The following DMD variants were observed in gnomAD, a reference collection of about 807,000 sequenced individuals.
DMD encodes mutant dystrophin.
Under a neutral mutation model 330.1 loss-of-function variants are expected in DMD, and 63 were observed. The observed-to-expected ratio is 0.19, with a 90% confidence interval of 0.16 to 0.24. The LOEUF (loss-of-function observed/expected upper bound fraction) is 0.24, where lower values mean the gene tolerates loss of function less well. DMD is among the 10% of genes least tolerant of loss of function. The pLI, the probability that DMD is intolerant of heterozygous loss-of-function variation, is 1.00. For synonymous variants in DMD, 1,223 were observed against 959.8 expected (o/e 1.27, Z -5.07); for missense variants, 3,344 against 2,684.1 (o/e 1.25, Z -5.43).
rs1459982963 is a variant in DMD at position 31,891,756 on chromosome X, T to C, written c.6913-16383A>G. On this transcript the variant is annotated intron_variant, in intron 47 of 78. Transcript: ENST00000357033. ...AAAACATTTACCATCTGGACCGTTA[T>C]AGAAAGTTTGCTGACCTCTGCTCTA... is the stretch of plus-strand genomic sequence containing the variant. 2.7e-5 allele frequency among the ~76,000 whole-genome samples: 3 copies of C among 111,380 alleles called. No homozygotes were observed. The Admixed American group carries it at 2.9e-4, about 11-fold the overall frequency.
intron 22 of DMD, among the ~76,000 whole-genome samples, chrX:32,469,236 A>C (rs190906798): frequency 6.9e-4 from 76 of 110,865 alleles, no homozygotes; most frequent in African/African-American, 2.2e-3. Flanking sequence ...TGGAGAATTT[A>C]TAAAATTTAT....
rs1259664799 is a variant in DMD at position 31,507,291 on chromosome X, G to A, written c.8380C>T (p.Leu2794Phe). Reference protein sequence around the residue: ...FKWSELRKKSLNIRSHLEASS... With the variant: ...FKWSELRKKSFNIRSHLEASS... ...CACATCTTTTCCTACCTAATGTTGA[G>A]AGACTTTTTCCGAAGTTCACTCCAC... Residue 2794 changes from leucine (L) to phenylalanine (F), a missense_variant, in exon 56 of 79, where the codon CTC (leucine) becomes TTC (phenylalanine). Coordinates refer to ENST00000357033, the MANE Select transcript of DMD (RefSeq NM_004006.3). 1 of 1,211,417 alleles carries A rather than the reference G, an allele frequency of 8.3e-7. No homozygotes were observed. The highest frequency in any genetic ancestry group is 1.1e-6 in the Non-Finnish European group (1 of 895,337).
At chrX:32,334,104 C>CA (rs747548130) in intron 41 of DMD, among the ~76,000 whole-genome samples, 3 of 111,009 alleles carry the variant, frequency 2.7e-5, no homozygotes, top group South Asian at 3.8e-4. Context: ...GACACTAGAA[C>CA]AAAAAAACTC....
chrX:32,338,062 C>A (rs760632083), intron 41 of DMD, among the ~76,000 whole-genome samples: 11 of 111,369 alleles, frequency 9.9e-5, no homozygotes, highest in Admixed American at 3.8e-4. Context: ...TGCCTTAATT[C>A]TTGAATCATG....
chrX:32,651,678 C>G (rs1016914837), intron 9 of DMD, among the ~76,000 whole-genome samples: 6 of 111,184 alleles, frequency 5.4e-5, no homozygotes, highest in African/African-American at 2.0e-4. Flanking sequence ...TAGTACAGAC[C>G]CGGTAAATCC....
intron 7 of DMD, among the ~76,000 whole-genome samples, chrX:32,752,609 G>A (rs2070973917): frequency 1.9e-5 from 2 of 106,972 alleles, no homozygotes; most frequent in South Asian, 8.6e-4. Context: ...AGACTTTGGT[G>A]CACTGTTGGG....
intron 9 of DMD, among the ~76,000 whole-genome samples, chrX:32,651,125 A>G (rs1569394396): frequency 1.0e-5 from 1 of 100,360 alleles, no homozygotes; most frequent in African/African-American, 4.7e-5. Flanking sequence ...ACTTTTAAAA[A>G]AATATAATAT....
At chrX:33,008,624 T>C (rs1458823188) in intron 2 of DMD, among the ~76,000 whole-genome samples, 2 of 109,470 alleles carry the variant, frequency 1.8e-5, no homozygotes, top group African/African-American at 6.6e-5. Flanking sequence ...ATACAGTCAA[T>C]AGTAATGCCA....
chrX:31,801,977 G>A (rs980110546), intron 50 of DMD, among the ~76,000 whole-genome samples: 1 of 111,146 alleles, frequency 9.0e-6, no homozygotes, highest in African/African-American at 3.3e-5. Flanking sequence ...AATTCAAAAG[G>A]ATAGTGTCTC....
At chrX:32,671,354 T>C (rs750530717) in intron 9 of DMD, among the ~76,000 whole-genome samples, 9 of 111,300 alleles carry the variant, frequency 8.1e-5, no homozygotes, top group African/African-American at 2.9e-4. Context: ...TAAATTTATG[T>C]ACATACACAC....
intron 34 of DMD, among the ~76,000 whole-genome samples, chrX:32,367,161 T>A (rs959630268): frequency 9.0e-6 from 1 of 111,728 alleles, no homozygotes; most frequent in African/African-American, 3.3e-5. Flanking sequence ...AACTTCAGAG[T>A]AGACATAGAC....
intron 43 of DMD, among the ~76,000 whole-genome samples, chrX:32,222,221 C>T (rs888003051): frequency 1.8e-5 from 2 of 111,557 alleles, no homozygotes; most frequent in Admixed American, 1.9e-4. Context: ...ACAAATGTTC[C>T]GTTTTCATCA....
At chrX:32,600,215 G>A (rs1037200920) in intron 12 of DMD, among the ~76,000 whole-genome samples, 6 of 111,955 alleles carry the variant, frequency 5.4e-5, no homozygotes, top group Non-Finnish European at 9.4e-5. Context: ...CCACTTCAGT[G>A]TTTATTCTAG....
chrX:32,263,505 T>A (rs1316180316), intron 43 of DMD, among the ~76,000 whole-genome samples: 1 of 112,628 alleles, frequency 8.9e-6, no homozygotes, highest in Non-Finnish European at 1.9e-5. Context: ...TTTGGTTTTT[T>A]ACTTTGTGAA....
At position 32,853,432 on chromosome X, in the gene DMD, AAAC is replaced by A. The variant is rs200936189; in HGVS notation, c.94-3615_94-3613del. On this transcript the variant is annotated intron_variant, in intron 2 of 78. Coordinates refer to ENST00000357033, the MANE Select transcript of DMD (RefSeq NM_004006.3). ...ATAGACAGTATAATGAGATATAAAC[AAAC>A]AACAAAAAGATTAAAAGAGACGAAG... Among the ~76,000 whole-genome samples the A allele has an allele frequency of 9.6e-3, 1,076 of 112,085 alleles. 13 individuals carry two copies. Among genetic ancestry groups the A allele is most frequent in the African/African-American group, 0.032 (1,001 of 30,848 alleles).
chrX:32,398,528 G>A (rs779225496), intron 30 of DMD, among the ~76,000 whole-genome samples: 1 of 110,711 alleles, frequency 9.0e-6, no homozygotes, highest in Non-Finnish European at 1.9e-5. Context: ...AAAATCTCCA[G>A]CAGAGAAGTA....
At chrX:31,773,005 C>A (rs1271992428) in intron 51 of DMD, among the ~76,000 whole-genome samples, 3 of 111,434 alleles carry the variant, frequency 2.7e-5, no homozygotes, top group African/African-American at 9.8e-5. Flanking sequence ...CCTTTAAATG[C>A]AGGTTGTTTA....
At chrX:33,025,225 G>T (rs73188281) in intron 1 of DMD, among the ~76,000 whole-genome samples, 7,151 of 111,898 alleles carry the variant, frequency 0.064, 391 homozygotes, top group African/African-American at 0.18. Context: ...AAGGAATAAA[G>T]GTAGGAGGAG....
chrX:32,699,923 C>T (rs2063962797), intron 7 of DMD, among the ~76,000 whole-genome samples: 1 of 111,885 alleles, frequency 8.9e-6, no homozygotes, highest in South Asian at 3.7e-4. Context: ...ATATCACTTT[C>T]CTTCTCAGAC....
Sources: gnomAD v4.1 joint callset for allele counts (sites outside exome capture counted in the v4.1 genomes callset) on GRCh38, gnomAD v4.1.1 for gene constraint, MANE v1.5 for transcripts, NCBI Gene and HGNC (gene_info 2026-07-23, HGNC 2026-07-21) for gene names.